The following PAQR7 variants were observed in gnomAD, a reference collection of about 807,000 sequenced individuals.
PAQR7 encodes membrane progestin receptor alpha.
Under a neutral mutation model 24.6 loss-of-function variants are expected in PAQR7, and 14 were observed. That is an observed-to-expected ratio of 0.57 (90% CI 0.38 to 0.89). The LOEUF is 0.89. Ranked by LOEUF, PAQR7 falls within the 40% of genes least tolerant of loss-of-function variation. The pLI is 0.00. For synonymous variants in PAQR7, 189 were observed against 198.8 expected, an observed-to-expected ratio of 0.95 and a Z score of 0.42; for missense variants, 351 against 444.0, an observed-to-expected ratio of 0.79 and a Z score of 1.88.
chr1:25,862,634 T>G lies in PAQR7; in HGVS notation c.*165A>C. ...ACCCCAGCAACTCCTAGCCAATCCC[T>G]AAATCCAAGAATTGGCCAGTGATGC... is the stretch of plus-strand genomic sequence containing the variant. On this transcript the variant is annotated 3_prime_UTR_variant, in exon 3 of 3. Transcript: ENST00000675840. 1 of 797,726 alleles carries G rather than the reference T, an allele frequency of 1.3e-6. No individual in the cohort carries two copies. Among genetic ancestry groups the G allele is most frequent in the Non-Finnish European group, 2.0e-6 (1 of 509,638 alleles). The allele number at this position is 797,726 out of a possible 1,614,324, so 49.4% of individuals were successfully genotyped here. A position where few individuals can be genotyped will look rare whatever the true frequency, so the allele number is the denominator to read the frequency against.
At chr1:25,867,346 A>C (rs1414914960) in intron 2 of PAQR7, among the ~76,000 whole-genome samples, 2 of 152,092 alleles carry the variant, frequency 1.3e-5, no homozygotes, top group Non-Finnish European at 2.9e-5. Flanking sequence ...CACTACCCTA[A>C]AATGCACTTT....
At chr1:25,872,542 G>T (rs1256795820) in intron 1 of PAQR7, among the ~76,000 whole-genome samples, 1 of 142,456 alleles carries the variant, frequency 7.0e-6, no homozygotes, top group African/African-American at 2.6e-5. Context: ...TTGAGACAGG[G>T]TCATGCTCTG....
rs1193113225 is a variant in PAQR7, at chr1:25,875,569, C to CA, written c.-191_-190insT. 2.0e-5 allele frequency among the ~76,000 whole-genome samples: 3 copies of CA among 151,948 alleles called. No individual in the cohort carries two copies. Among genetic ancestry groups the CA allele is most frequent in the Admixed American group, 1.3e-4 (2 of 15,274 alleles). ...TAAAAGAGCAGCCGGGCAGCGGCCC[C>CA]GCCCCAAGCCGGGGGAGGGCGGGCG... On this transcript the variant is annotated 5_prime_UTR_variant, in exon 1 of 3. Coordinates refer to ENST00000675840, the MANE Select transcript of PAQR7 (RefSeq NM_178422.6). The surrounding 1 kb of genome is among the most constrained non-coding windows in gnomAD (Gnocchi z 5.4).
At position 25,863,591 on chromosome 1, in the gene PAQR7, C is replaced by T; in HGVS notation, c.249G>A (p.Leu83=). The change falls in exon 3 of 3, where the codon CTG becomes CTA. Residue 83 remains leucine (L), a synonymous_variant. Transcript: ENST00000675840. This position sits in a 1 kb window ranked among gnomAD's most constrained non-coding sequence, Gnocchi z 6.1. The stretch of plus-strand genomic sequence containing the variant: ...AGAGGGCCAGCCGCAGCAGCAGTAC[C>T]AGGGCCGCCAGCAGGTGGGTCCAGA... ...VNVWTHLLAA[L]VLLLRLALFV... 6.2e-7 allele frequency: 1 copy of T among 1,614,212 alleles called. No homozygotes were observed. The highest frequency in any genetic ancestry group is 8.5e-7 in the Non-Finnish European group (1 of 1,180,032).
chr1:25,863,134 G>T lies in PAQR7; in HGVS notation c.706C>A (p.Pro236Thr). 3 of 1,614,144 alleles carry T rather than the reference G, an allele frequency of 1.9e-6. No homozygotes were observed. Among genetic ancestry groups the T allele is most frequent in the Non-Finnish European group, 2.5e-6 (3 of 1,180,046 alleles). ...TGGCACTTGTGGTAGAGAAGAGCTG[G>T]ATCATCCGTGGTGGGGTCGGAGGAC... is the stretch of plus-strand genomic sequence containing the variant. ...FVSSDPTTDD[P>T]ALLYHKCQVV... The change falls in exon 3 of 3, where the codon CCA becomes ACA. Residue 236 changes from proline (P) to threonine (T), a missense_variant. By Grantham distance (38) the Pro-to-Thr change is conservative (BLOSUM62 -1). Coordinates refer to ENST00000675840, the MANE Select transcript of PAQR7 (RefSeq NM_178422.6). The surrounding 1 kb of genome is among the most constrained non-coding windows in gnomAD (Gnocchi z 6.1).
At chr1:25,865,243 A>C in intron 2 of PAQR7, among the ~76,000 whole-genome samples, 1 of 151,688 alleles carries the variant, frequency 6.6e-6, no homozygotes, top group Non-Finnish European at 1.5e-5. Flanking sequence ...TTGAGTGCTT[A>C]TCATCAGACC....
At chr1:25,868,519 G>A (rs552818352) in intron 2 of PAQR7, among the ~76,000 whole-genome samples, 1 of 151,604 alleles carries the variant, frequency 6.6e-6, no homozygotes, top group Non-Finnish European at 1.5e-5. Flanking sequence ...AACCAGCTTG[G>A]GCAACATGGT....
chr1:25,861,699 C>T lies in PAQR7; in HGVS notation c.*1100G>A, dbSNP rs1315424123. The T allele has an allele frequency of 2.0e-5, 3 of 152,432 alleles. No individual in the cohort carries two copies. The highest frequency in any genetic ancestry group is 2.0e-4 in the Admixed American group (3 of 15,266). The allele number at this position is 152,432 out of a possible 1,614,324, so 9.4% of individuals were successfully genotyped here. Reference sequence around the variant, plus strand: ...AGGTTAATCCCTCTCCAGCACCTCCCTTGACAGTTCATTCTGATATCAAAG... The same window carrying T: ...AGGTTAATCCCTCTCCAGCACCTCCTTTGACAGTTCATTCTGATATCAAAG... On this transcript the variant is annotated 3_prime_UTR_variant, in exon 3 of 3. Coordinates refer to ENST00000675840, the MANE Select transcript of PAQR7 (RefSeq NM_178422.6).
At chr1:25,867,841 T>C (rs1354369828) in intron 2 of PAQR7, among the ~76,000 whole-genome samples, 1 of 152,234 alleles carries the variant, frequency 6.6e-6, no homozygotes, top group East Asian at 1.9e-4. Context: ...CCCCAGTCTT[T>C]CCTAGTCCAG....
In PAQR7 at chr1:25,875,380, C is replaced by T. The variant is rs528943187; in HGVS notation, c.-109+108G>A. ...CCAAGTCCGCCCCTGCCCCGCGGAGCCTTGCTCTTTCCACGTCCAGCCCCG... is the reference window on the plus strand; with the variant it reads ...CCAAGTCCGCCCCTGCCCCGCGGAGTCTTGCTCTTTCCACGTCCAGCCCCG... On this transcript the variant is annotated intron_variant, in intron 1 of 2. Transcript: ENST00000675840. This position sits in a 1 kb window ranked among gnomAD's most constrained non-coding sequence, Gnocchi z 5.4. 4.3e-3 allele frequency among the ~76,000 whole-genome samples: 651 copies of T among 152,284 alleles called. 6 individuals are homozygous for T. The highest frequency in any genetic ancestry group is 0.015 in the African/African-American group (622 of 41,568).
chr1:25,870,141 C>T (rs748013182), intron 2 of PAQR7, among the ~76,000 whole-genome samples: 3 of 152,110 alleles, frequency 2.0e-5, no homozygotes, highest in South Asian at 2.1e-4. Context: ...GATGGATATC[C>T]GGAGGGCACC....
Position 25,863,951 on chromosome 1 carries a change from C to G in PAQR7, c.-22-90G>C. 1 of 935,510 alleles carries G rather than the reference C, an allele frequency of 1.1e-6. No individual in the cohort carries two copies. The highest frequency in any genetic ancestry group is 2.8e-5 in the Admixed American group (1 of 35,910). The allele number at this position is 935,510 out of a possible 1,614,324, so 58.0% of individuals were successfully genotyped here. On this transcript the variant is annotated intron_variant, in intron 2 of 2. Coordinates refer to ENST00000675840, the MANE Select transcript of PAQR7 (RefSeq NM_178422.6). The surrounding 1 kb of genome is among the most constrained non-coding windows in gnomAD (Gnocchi z 6.1). Reference sequence around the variant, plus strand: ...GGGCTCTGATGCCCAAATCCTACTCCCTCCTCTCCGACAGCCTTATCCTTA... The same window carrying G: ...GGGCTCTGATGCCCAAATCCTACTCGCTCCTCTCCGACAGCCTTATCCTTA...
In PAQR7 at chr1:25,862,931, G is replaced by T; in HGVS notation, c.909C>A (p.Ile303=). The T allele has an allele frequency of 6.2e-7, 1 of 1,614,184 alleles. No homozygotes were observed. The highest frequency in any genetic ancestry group is 8.5e-7 in the Non-Finnish European group (1 of 1,180,048). Residue 303 remains isoleucine (I), a synonymous_variant, in exon 3 of 3, where the codon ATC becomes ATA. Transcript: ENST00000675840. ...GCCAGTGCGTGTGCAGAGGCTCATA[G>T]ATGGGCCGTCGGGCCTCATAGTCCA... ...VALDYEARRP[I]YEPLHTHWPH...
At chr1:25,874,045 G>T (rs1017479954) in intron 1 of PAQR7, among the ~76,000 whole-genome samples, 2 of 151,976 alleles carry the variant, frequency 1.3e-5, no homozygotes, top group Admixed American at 6.6e-5. Flanking sequence ...CACCACACCC[G>T]GCTAATTTTG....
In PAQR7 at chr1:25,862,321, G is replaced by C. The variant is rs2048517992; in HGVS notation, c.*478C>G. ...TCTGCAGCTCCAACACTTGTGGCTGGGCTTCAAGGGACAGTAAGATCCTGT... is the reference window on the plus strand; with the variant it reads ...TCTGCAGCTCCAACACTTGTGGCTGCGCTTCAAGGGACAGTAAGATCCTGT... On this transcript the variant is annotated 3_prime_UTR_variant, in exon 3 of 3. Transcript: ENST00000675840. 6.3e-6 allele frequency: 1 copy of C among 159,700 alleles called. No individual in the cohort carries two copies. The highest frequency in any genetic ancestry group is 1.4e-5 in the Non-Finnish European group (1 of 73,000). 9.9% of individuals were successfully genotyped at this position (159,700 alleles called of 1,614,324 possible).
intron 2 of PAQR7, among the ~76,000 whole-genome samples, chr1:25,865,935 G>A (rs1454165936): frequency 1.4e-5 from 2 of 147,968 alleles, no homozygotes; most frequent in Non-Finnish European, 3.0e-5. Context: ...GCGGTGAGCC[G>A]AGATCGCACC....
rs1572274893 is a variant in PAQR7 at position 25,863,034 on chromosome 1, T to G, written c.806A>C (p.His269Pro). 1 of 1,614,076 alleles carries G rather than the reference T, an allele frequency of 6.2e-7. No individual in the cohort carries two copies. The highest frequency in any genetic ancestry group is 8.5e-7 in the Non-Finnish European group (1 of 1,180,054). Residue 269 changes from histidine (H) to proline (P), a missense_variant, in exon 3 of 3, where the codon CAT becomes CCT. His to Pro is a moderately conservative substitution (Grantham distance 77, BLOSUM62 -2). Coordinates refer to ENST00000675840, the MANE Select transcript of PAQR7 (RefSeq NM_178422.6). The surrounding 1 kb of genome is among the most constrained non-coding windows in gnomAD (Gnocchi z 6.1). ...AAGTTGGTGGCCCTGCCCGAAGACATGGCAGCTGCCAGGGAACCAGCGCTC... is the reference window on the plus strand; with the variant it reads ...AAGTTGGTGGCCCTGCCCGAAGACAGGGCAGCTGCCAGGGAACCAGCGCTC... ...MPERWFPGSC[H>P]VFGQGHQLFH...
chr1:25,874,606 T>TC (rs533559834), intron 1 of PAQR7, among the ~76,000 whole-genome samples: 1 of 152,100 alleles, frequency 6.6e-6, no homozygotes, highest in Non-Finnish European at 1.5e-5. Flanking sequence ...GGTCCCTCTC[T>TC]CCGATAGGAG....
chr1:25,870,452 C>T (rs1032445104), intron 2 of PAQR7, among the ~76,000 whole-genome samples, 157 bp downstream of exon 2: 3 of 152,124 alleles, frequency 2.0e-5, no homozygotes, highest in Admixed American at 6.6e-5. Flanking sequence ...CAACCTCCCA[C>T]ACCTCTCCTC....
Sources: gnomAD v4.1 joint callset for allele counts (sites outside exome capture counted in the v4.1 genomes callset) on GRCh38, gnomAD v4.1.1 for gene constraint, Gnocchi (gnomAD v3.1) non-coding constraint, MANE v1.5 for transcripts, NCBI Gene and HGNC (gene_info 2026-07-23, HGNC 2026-07-21) for gene names.